Variants in AFF1 observed in about 807,000 individuals in gnomAD.
AFF1 encodes the protein ALF transcription elongation factor 1.
A neutral mutation model predicts 121.7 loss-of-function variants in AFF1; 48 were observed. The ratio of observed to expected loss-of-function variants is 0.39; its 90% CI spans 0.31 to 0.50. AFF1 has a LOEUF of 0.50. Among genes scored for constraint, AFF1 ranks in the 20% least tolerant of loss-of-function variants. The pLI, the probability that AFF1 is intolerant of heterozygous loss-of-function variation, is 0.76. For missense variants in AFF1, 1,523 were observed against 1,511.7 expected, an observed-to-expected ratio of 1.01 and a Z score of -0.12; for synonymous variants, 613 against 563.0, an observed-to-expected ratio of 1.09 and a Z score of -1.26.
At chr4:86,950,372 T>C (rs921837352) in intron 2 of AFF1, among the ~76,000 whole-genome samples, 6 of 152,124 alleles carry the variant, frequency 3.9e-5, no homozygotes, top group Non-Finnish European at 7.4e-5. Flanking sequence ...GGTTTCACCA[T>C]GTTGGCAGGC....
intron 5 of AFF1, among the ~76,000 whole-genome samples, chr4:87,088,305 A>G (rs1219882816): frequency 6.6e-6 from 1 of 152,202 alleles, no homozygotes; most frequent in Non-Finnish European, 1.5e-5. Context: ...AAAAATTAAG[A>G]AAGCCGGCAT....
At chr4:87,108,124 G>T in intron 10 of AFF1, 35 bp from the exon 11 acceptor site, 1 of 1,606,904 alleles carries the variant, frequency 6.2e-7, no homozygotes, top group Non-Finnish European at 8.5e-7. Context: ...ACCTTGTATC[G>T]TGCCTTCTAA....
chr4:87,131,308 T>C, intron 17 of AFF1, 89 bp downstream of exon 17: 1 of 1,522,754 alleles, frequency 6.6e-7, no homozygotes, highest in South Asian at 1.3e-5. Flanking sequence ...AGTGTGAAGA[T>C]GGCTCAATAA....
At chr4:86,984,394 C>T (rs538741176) in intron 2 of AFF1, among the ~76,000 whole-genome samples, 6 of 146,280 alleles carry the variant, frequency 4.1e-5, no homozygotes, top group African/African-American at 1.3e-4. Context: ...GTGGTGCAAT[C>T]TCAGCTCACG....
intron 2 of AFF1, chr4:87,020,677 G>C (rs550234884): frequency 2.3e-6 from 1 of 443,182 alleles, no homozygotes; most frequent in South Asian, 9.6e-5. Flanking sequence ...GTGGAGACAG[G>C]GTTTCACTGT....
chr4:87,007,114 T>TC, intron 2 of AFF1: 3 of 1,264,256 alleles, frequency 2.4e-6, no homozygotes, highest in Non-Finnish European at 3.0e-6. Context: ...CCGGGGGCGC[T>TC]CGCTTGCCCC....
At chr4:87,035,434 G>T (rs190953157) in intron 2 of AFF1, among the ~76,000 whole-genome samples, 78 of 152,180 alleles carry the variant, frequency 5.1e-4, no homozygotes, top group Non-Finnish European at 9.3e-4. Flanking sequence ...GGTGGCGGGC[G>T]CCTGTAGTCC....
intron 20 of AFF1, among the ~76,000 whole-genome samples, chr4:87,135,141 G>A (rs950285218): frequency 1.1e-4 from 16 of 152,180 alleles, no homozygotes; most frequent in Admixed American, 2.6e-4. Flanking sequence ...GAGATACAGC[G>A]TAGTAAACAT....
chr4:87,108,190 T>C lies in AFF1; in HGVS notation c.1408T>C (p.Ser470Pro). 1 of 1,614,136 alleles carries C rather than the reference T, an allele frequency of 6.2e-7. No individual in the cohort carries two copies. The highest frequency in any genetic ancestry group is 1.3e-5 in the African/African-American group (1 of 75,054). Reference sequence around the variant, plus strand: ...ACAGTCCCTTCCAGAACCAGTGGCATCAGCACATTCCAGCAGTGCAGAGTC... The same window carrying C: ...ACAGTCCCTTCCAGAACCAGTGGCACCAGCACATTCCAGCAGTGCAGAGTC... ...APQSLPEPVA[S>P]AHSSSAESES... Residue 470 changes from serine to proline, a missense_variant, in exon 11 of 21, where the codon TCA becomes CCA. Physicochemically the swap from Ser to Pro is moderately conservative, Grantham distance 74. Around this residue, in one of 5 missense-constraint regions of AFF1, gnomAD observed 905 missense variants for 842.5 expected, o/e 1.07. Coordinates refer to ENST00000395146, the MANE Select transcript of AFF1 (RefSeq NM_001166693.3).
chr4:86,987,346 G>T (rs961338050), intron 2 of AFF1, among the ~76,000 whole-genome samples: 1 of 152,100 alleles, frequency 6.6e-6, no homozygotes, highest in Non-Finnish European at 1.5e-5. Context: ...CAGGGCTCAC[G>T]CTGGATGACC....
rs35682600 is a variant in AFF1, at chr4:86,944,140, TAAAAAAA to T, written c.-36-4341_-36-4335del. 1.1e-3 allele frequency among the ~76,000 whole-genome samples: 105 copies of T among 96,182 alleles called. 2 individuals are homozygous for T. Among genetic ancestry groups the T allele is most frequent in the Non-Finnish European group, 3.1e-4 (15 of 48,194 alleles). 63.1% of individuals were successfully genotyped at this position (96,182 alleles called of 152,430 possible). A position where few individuals can be genotyped will look rare whatever the true frequency, so the allele number is the denominator to read the frequency against. On this transcript the variant is annotated intron_variant, in intron 1 of 20. Coordinates refer to ENST00000395146, the MANE Select transcript of AFF1 (RefSeq NM_001166693.3). ...GCCTGGGTGACAGAGCAAGACCCTG[TAAAAAAA>T]AAAAAAAAAAAAAAAAGTCTTCCCT...
At chr4:87,069,775 C>G (rs746613407) in intron 4 of AFF1, among the ~76,000 whole-genome samples, 8 of 148,834 alleles carry the variant, frequency 5.4e-5, no homozygotes, top group Non-Finnish European at 8.9e-5. Flanking sequence ...GAAAGAAATT[C>G]AAAACATAAG....
intron 11 of AFF1, among the ~76,000 whole-genome samples, chr4:87,109,657 G>A (rs1228167785): frequency 6.6e-6 from 1 of 152,148 alleles, no homozygotes; most frequent in Non-Finnish European, 1.5e-5. Context: ...TACTGACATC[G>A]AAAAGATAAT....
Position 87,114,698 on chromosome 4 carries a change from C to T in AFF1, c.1865C>T (p.Ala622Val), listed in dbSNP as rs1434796616. Residue 622 changes from alanine to valine, a missense_variant, in exon 12 of 21, where the codon GCA (alanine) becomes GTA (valine). Around this residue, in one of 5 missense-constraint regions of AFF1, gnomAD observed 905 missense variants for 842.5 expected, o/e 1.07. Coordinates refer to ENST00000395146, the MANE Select transcript of AFF1 (RefSeq NM_001166693.3). ...AAACCTGTCAAGGCCTCTGCCCGGG[C>T]AGGTTCACGGACCAGCCTGCAGGGG... is the stretch of plus-strand genomic sequence containing the variant. ...PKKPVKASAR[A>V]GSRTSLQGER... The T allele has an allele frequency of 6.2e-7, 1 of 1,613,946 alleles. No individual in the cohort carries two copies. Among genetic ancestry groups the T allele is most frequent in the Non-Finnish European group, 8.5e-7 (1 of 1,180,016 alleles).
chr4:87,062,246 A>G (rs1471055231), intron 4 of AFF1, among the ~76,000 whole-genome samples: 2 of 152,230 alleles, frequency 1.3e-5, no homozygotes, highest in Non-Finnish European at 2.9e-5. Flanking sequence ...TCAAGGTGCT[A>G]ACAGATTGAG....
At chr4:87,107,206 T>C (rs1725999400) in intron 10 of AFF1, among the ~76,000 whole-genome samples, 1 of 152,264 alleles carries the variant, frequency 6.6e-6, no homozygotes, top group Admixed American at 6.5e-5. Context: ...TTAATAATTT[T>C]TATTCTAATA....
At chr4:86,944,113 C>T (rs954505428) in intron 1 of AFF1, among the ~76,000 whole-genome samples, 3 of 145,982 alleles carry the variant, frequency 2.1e-5, no homozygotes, top group African/African-American at 7.8e-5. Context: ...CACTGCACTC[C>T]AGCCTGGGTG....
rs570107836 is a variant in AFF1 at position 87,043,707 on chromosome 4, A to C, written c.39-2459A>C. On this transcript the variant is annotated intron_variant, in intron 2 of 20. Transcript: ENST00000395146. ...TCTTTTCAGTATTTTGACTGGCATAAATTATTAACTTTGTGGTTTTAAGAG... is the reference window on the plus strand; with the variant it reads ...TCTTTTCAGTATTTTGACTGGCATACATTATTAACTTTGTGGTTTTAAGAG... Among the ~76,000 whole-genome samples the C allele has an allele frequency of 1.2e-4, 18 of 152,330 alleles. No homozygotes were observed. The South Asian group carries it at 3.5e-3, about 30-fold the overall frequency.
At position 87,115,138 on chromosome 4, in the gene AFF1, A is replaced by G. The variant is rs1726968683; in HGVS notation, c.2305A>G (p.Met769Val). 2 of 1,614,052 alleles carry G rather than the reference A, an allele frequency of 1.2e-6. No homozygotes were observed. Among genetic ancestry groups the G allele is most frequent in the African/African-American group, 1.3e-5 (1 of 74,912 alleles). The change falls in exon 12 of 21, where the codon ATG becomes GTG. Residue 769 changes from methionine to valine, a missense_variant. Coordinates refer to ENST00000395146, the MANE Select transcript of AFF1 (RefSeq NM_001166693.3). Reference sequence around the variant, plus strand: ...GGACACTCCTCCCCCACAAAGCTTGATGGTGAAGATCACCCTAGACCTGCT... The same window carrying G: ...GGACACTCCTCCCCCACAAAGCTTGGTGGTGAAGATCACCCTAGACCTGCT... Reference protein sequence around the residue: ...LRDTPPPQSLMVKITLDLLSR... With the variant: ...LRDTPPPQSLVVKITLDLLSR...
Sources: gnomAD v4.1 joint callset for allele counts (sites outside exome capture counted in the v4.1 genomes callset) on GRCh38, gnomAD v4.1.1 for gene constraint, gnomAD v4.1.1 regional missense constraint, MANE v1.5 for transcripts, NCBI Gene and HGNC (gene_info 2026-07-23, HGNC 2026-07-21) for gene names.